The following ANKRD18A variants were observed in gnomAD, a reference collection of about 807,000 sequenced individuals.
The protein encoded by ANKRD18A is ankyrin repeat domain-containing protein 18A.
Under a neutral mutation model 110.6 loss-of-function variants are expected in ANKRD18A, and 72 were observed. That is an observed-to-expected ratio of 0.65 (90% CI 0.54 to 0.79). The LOEUF is 0.79. Among genes scored for constraint, ANKRD18A ranks in the 30% least tolerant of loss-of-function variants. The probability of loss-of-function intolerance (pLI) is 0.00; values close to 1 mark genes in which losing one functional copy is unlikely to be tolerated. For synonymous variants in ANKRD18A, 305 were observed against 410.3 expected (o/e 0.74, Z 3.10); for missense variants, 934 against 1,163.3 (o/e 0.80, Z 2.87).
chr9:38,603,170 T>C lies in ANKRD18A; in HGVS notation c.851A>G (p.Glu284Gly), dbSNP rs1210280260. ...MKPANLKKRKERAKAEHNLKV... is the reference protein window; with the variant it reads ...MKPANLKKRKGRAKAEHNLKV... The stretch of plus-strand genomic sequence containing the variant: ...CTCAAGTGTCTTACCTTTTGCACGT[T>C]CTTTTCTTTTTTTCAAATTTGCAGG... Residue 284 changes from glutamate (E) to glycine (G), a missense_variant, in exon 7 of 16, where the codon GAA (glutamate) becomes GGA (glycine). Glu to Gly is a moderately conservative substitution (Grantham distance 98). This residue lies in a region of ANKRD18A where 630 missense variants were observed against 797.5 expected (regional missense o/e 0.79). Coordinates refer to ENST00000399703, the MANE Select transcript of ANKRD18A (RefSeq NM_147195.4). 1 of 1,551,148 alleles carries C rather than the reference T, an allele frequency of 6.4e-7. No homozygotes were observed. The highest frequency in any genetic ancestry group is 8.7e-7 in the Non-Finnish European group (1 of 1,146,622).
Position 38,610,326 on chromosome 9 carries a change from T to C in ANKRD18A, c.687A>G (p.Gln229=). Residue 229 remains glutamine, a synonymous_variant, in exon 5 of 16, where the codon CAA becomes CAG. Coordinates refer to ENST00000399703, the MANE Select transcript of ANKRD18A (RefSeq NM_147195.4). ...LLQQNIRISS[Q]DMFGQTAEDY... is the part of the protein sequence containing the mutation. ...CCTCGGCAGTTTGGCCAAACATGTC[T>C]TGAGAAGAGATACGTATATTTTGTT... The C allele has an allele frequency of 6.4e-7, 1 of 1,551,312 alleles. No individual in the cohort carries two copies. Among genetic ancestry groups the C allele is most frequent in the Non-Finnish European group, 8.7e-7 (1 of 1,146,820 alleles).
chr9:38,573,139 G>T, intron 15 of ANKRD18A: 1 of 1,220,578 alleles, frequency 8.2e-7, no homozygotes, highest in Non-Finnish European at 1.1e-6. Flanking sequence ...TCTAAAATAA[G>T]TAAATAATAA....
rs549510583 is a variant in ANKRD18A, at chr9:38,620,252, C to A, written c.34G>T (p.Gly12Cys). Residue 12 changes from glycine (G) to cysteine (C), a missense_variant, in exon 1 of 16, where the codon GGC (glycine) becomes TGC (cysteine). Gly to Cys is a radical substitution (Grantham distance 159). Around this residue, in one of 4 missense-constraint regions of ANKRD18A, gnomAD observed 630 missense variants for 797.5 expected, o/e 0.79. Coordinates refer to ENST00000399703, the MANE Select transcript of ANKRD18A (RefSeq NM_147195.4). Reference sequence around the variant, plus strand: ...TCCATGGAGCTCAGGAGCGCCTGGCCCAGGCGTCTCCCGAAGCTGAAGAGC... The same window carrying A: ...TCCATGGAGCTCAGGAGCGCCTGGCACAGGCGTCTCCCGAAGCTGAAGAGC... ...RKLFSFGRRL[G>C]QALLSSMDQE... The A allele has an allele frequency of 1.5e-5, 23 of 1,551,286 alleles. No homozygotes were observed. The African/African-American group carries it at 3.0e-4, about 20-fold the overall frequency.
intron 5 of ANKRD18A, among the ~76,000 whole-genome samples, chr9:38,607,963 G>A (rs996022722): frequency 2.6e-5 from 4 of 152,320 alleles, no homozygotes; most frequent in African/African-American, 7.2e-5. Context: ...CTGCATTGCT[G>A]AAACCATTTT....
chr9:38,573,076 C>T (rs940648186), intron 15 of ANKRD18A: 6 of 1,413,708 alleles, frequency 4.2e-6, no homozygotes, highest in African/African-American at 1.4e-5. Flanking sequence ...TACATTTTGG[C>T]AACATACTTT....
chr9:38,581,702 T>C, intron 12 of ANKRD18A, among the ~76,000 whole-genome samples: 1 of 152,190 alleles, frequency 6.6e-6, no homozygotes. Flanking sequence ...CATGGAGAAG[T>C]TAAGACCATC....
intron 14 of ANKRD18A, 47 bp from the exon 15 acceptor site, chr9:38,575,745 A>G (rs760210130): frequency 2.7e-6 from 4 of 1,491,418 alleles, no homozygotes; most frequent in Non-Finnish European, 3.6e-6. Flanking sequence ...TTTTTCCTTG[A>G]ATGATTCTTA....
intron 7 of ANKRD18A, among the ~76,000 whole-genome samples, chr9:38,601,741 A>G (rs899798009): frequency 2.0e-5 from 3 of 152,116 alleles, no homozygotes; most frequent in African/African-American, 4.8e-5. Context: ...CTGTAATCCC[A>G]GCACTTTGGA....
At chr9:38,568,341 G>A (rs201122109), downstream of ANKRD18A, 93 of 152,184 alleles carry the variant, frequency 6.1e-4, 1 homozygote, top group East Asian at 0.018. Flanking sequence ...GTTGCATTGA[G>A]GCCTGTGCAT....
chr9:38,609,452 G>T (rs915709141), intron 5 of ANKRD18A, among the ~76,000 whole-genome samples: 2 of 152,104 alleles, frequency 1.3e-5, no homozygotes, highest in African/African-American at 4.8e-5. Context: ...CTGCACTCCA[G>T]CCTGGGCGAC....
rs912155371 is a variant in ANKRD18A at position 38,620,069 on chromosome 9, C to T, written c.206+11G>A. On this transcript the variant is annotated intron_variant, in intron 1 of 15. Coordinates refer to ENST00000399703, the MANE Select transcript of ANKRD18A (RefSeq NM_147195.4). ...GGCCCCCTCCCACCGCGGGCTGAGT[C>T]CCCGAGCTACCTGTCTTTTCTGTCG... 3.2e-6 allele frequency: 5 copies of T among 1,549,818 alleles called. No individual in the cohort carries two copies. The highest frequency in any genetic ancestry group is 4.4e-6 in the Non-Finnish European group (5 of 1,146,774).
At position 38,601,133 on chromosome 9, in the gene ANKRD18A, G is replaced by A; in HGVS notation, c.934C>T (p.Gln312Ter). 6.4e-7 allele frequency: 1 copy of A among 1,554,932 alleles called. No individual in the cohort carries two copies. Among genetic ancestry groups the A allele is most frequent in the Non-Finnish European group, 8.7e-7 (1 of 1,148,444 alleles). Reference protein sequence around the residue: ...RLQRSENKQPQDSQSYGKKKD... With the variant: ...RLQRSENKQP ...CAGAAATTTAAATTGTTACATACCTGTGGCTGTTTATTTTCACTTCTTTGG... is the reference window on the plus strand; with the variant it reads ...CAGAAATTTAAATTGTTACATACCTATGGCTGTTTATTTTCACTTCTTTGG... Residue 312 changes from glutamine (Q) to a stop codon, truncating the protein, a stop_gained and splice_region_variant, in exon 8 of 16, where the codon CAG (glutamine) becomes TAG (stop). Coordinates refer to ENST00000399703, the MANE Select transcript of ANKRD18A (RefSeq NM_147195.4). LOFTEE classifies it high-confidence loss of function.
Position 38,593,821 on chromosome 9 carries a change from C to CA in ANKRD18A, c.1942dup (p.Cys648LeufsTer4). On this transcript the variant is annotated frameshift_variant, in exon 10 of 16. Transcript: ENST00000399703. LOFTEE classifies it high-confidence loss of function. The stretch of plus-strand genomic sequence containing the variant: ...CCATGTCTCATTCAAATTAATATGA[C>CA]AATGTGATGTACCTTCCAGTGGAGA... The CA allele has an allele frequency of 1.3e-6, 2 of 1,542,860 alleles. No homozygotes were observed. The highest frequency in any genetic ancestry group is 1.7e-6 in the Non-Finnish European group (2 of 1,143,576).
chr9:38,598,332 G>C (rs1824977154), intron 8 of ANKRD18A, among the ~76,000 whole-genome samples: 3 of 152,140 alleles, frequency 2.0e-5, no homozygotes, highest in African/African-American at 7.2e-5. Flanking sequence ...GTGAGACTTA[G>C]GTTGATGAAT....
At chr9:38,589,317 T>C (rs2118737892) in intron 10 of ANKRD18A, among the ~76,000 whole-genome samples, 1 of 152,390 alleles carries the variant, frequency 6.6e-6, no homozygotes, top group South Asian at 2.1e-4. Context: ...AGAGATCTAT[T>C]TTTCATCACT....
Position 38,601,129 on chromosome 9 carries a change from ACCTGTGG to A in ANKRD18A, c.931_936+1del. ...AAACCAGAAATTTAAATTGTTACATACCTGTGGCTGTTTATTTTCACTTCTTTGGAGC... is the reference window on the plus strand; with the variant it reads ...AAACCAGAAATTTAAATTGTTACATACTGTTTATTTTCACTTCTTTGGAGC... On this transcript the variant is annotated splice_donor_variant and coding_sequence_variant, in exon 8 of 16. Transcript: ENST00000399703. LOFTEE classifies it high-confidence loss of function. The A allele has an allele frequency of 6.4e-7, 1 of 1,553,292 alleles. No individual in the cohort carries two copies. The highest frequency in any genetic ancestry group is 8.7e-7 in the Non-Finnish European group (1 of 1,147,600).
At position 38,575,614 on chromosome 9, in the gene ANKRD18A, T is replaced by C. The variant is rs12001355; in HGVS notation, c.2826A>G (p.Thr942=). Residue 942 remains threonine (T), a synonymous_variant, in exon 15 of 16, where the codon ACA becomes ACG. Coordinates refer to ENST00000399703, the MANE Select transcript of ANKRD18A (RefSeq NM_147195.4). ...CACAAGGTAACTCTGGTTCTGGCCT[T>C]GTAGGAAGAGTGCTGAGAAAATATT... is the stretch of plus-strand genomic sequence containing the variant. ...RMKYFLSTLP[T]RPEPELPCVE... The C allele has an allele frequency of 4.5e-3, 6,957 of 1,551,522 alleles. 76 individuals are homozygous for C. The highest frequency in any genetic ancestry group is 0.041 in the African/African-American group (2,986 of 73,164).
At chr9:38,598,554 G>A (rs1824988455) in intron 8 of ANKRD18A, among the ~76,000 whole-genome samples, 1 of 152,158 alleles carries the variant, frequency 6.6e-6, no homozygotes, top group African/African-American at 2.4e-5. Flanking sequence ...TCAAAGCCAG[G>A]AACTCTACTT....
intron 10 of ANKRD18A, among the ~76,000 whole-genome samples, chr9:38,589,447 T>C (rs975515863): frequency 2.0e-5 from 3 of 152,258 alleles, no homozygotes. Flanking sequence ...GTTATGAACC[T>C]GTCACAATTT....
Sources: allele counts gnomAD v4.1 joint callset (sites outside exome capture counted in the v4.1 genomes callset), GRCh38; gene constraint gnomAD v4.1.1; regional missense constraint gnomAD v4.1.1; transcripts MANE v1.5; gene names NCBI Gene and HGNC (gene_info 2026-07-23, HGNC 2026-07-21).